The following GOLM2 variants were observed in gnomAD, a reference collection of about 807,000 sequenced individuals.
The protein encoded by GOLM2 is protein GOLM2.
Under a neutral mutation model 55.9 loss-of-function variants are expected in GOLM2, and 26 were observed. That is an observed-to-expected ratio of 0.47 (90% CI 0.34 to 0.65). GOLM2 has a LOEUF of 0.65. Among genes scored for constraint, GOLM2 ranks in the 30% least tolerant of loss-of-function variants. The probability of loss-of-function intolerance (pLI) is 0.01; values close to 1 mark genes in which losing one functional copy is unlikely to be tolerated. For missense variants in GOLM2, 486 were observed against 531.8 expected (o/e 0.91, Z 0.85); for synonymous variants, 165 against 194.6 (o/e 0.85, Z 1.27).
intron 6 of GOLM2, among the ~76,000 whole-genome samples, chr15:44,367,565 G>A (rs371256116): frequency 3.3e-5 from 5 of 152,214 alleles, no homozygotes; most frequent in African/African-American, 1.2e-4. Flanking sequence ...GGAGGCTGAG[G>A]TGGGTGGATC....
chr15:44,402,569 C>G, intron 8 of GOLM2: 1 of 233,662 alleles, frequency 4.3e-6, no homozygotes, highest in South Asian at 7.1e-5. Context: ...TTTAGTCATA[C>G]TTATATTAGA....
chr15:44,370,553 C>G (rs1028460746), intron 6 of GOLM2, among the ~76,000 whole-genome samples: 1 of 152,142 alleles, frequency 6.6e-6, no homozygotes, highest in Non-Finnish European at 1.5e-5. Context: ...CTAGAACAAA[C>G]CCCAACTCTA....
At chr15:44,382,711 G>C (rs890461636) in intron 8 of GOLM2, among the ~76,000 whole-genome samples, 1 of 151,236 alleles carries the variant, frequency 6.6e-6, no homozygotes, top group African/African-American at 2.4e-5. Context: ...CTGATATTTG[G>C]GTAAAGAAGG....
In GOLM2 at chr15:44,314,516, A is replaced by G. The variant is rs1025078925; in HGVS notation, c.328-8449A>G. 2.6e-5 allele frequency among the ~76,000 whole-genome samples: 4 copies of G among 151,364 alleles called. No homozygotes were observed. In the East Asian group the frequency reaches 7.8e-4, roughly 29 times the overall value. On this transcript the variant is annotated intron_variant, in intron 1 of 9. Coordinates refer to ENST00000299957, the MANE Select transcript of GOLM2 (RefSeq NM_138423.4). Reference sequence around the variant, plus strand: ...GGAGGTTGCAGTGAGCCAAGATCGCACCACTGCATTCCACTCTGGGCAATA... The same window carrying G: ...GGAGGTTGCAGTGAGCCAAGATCGCGCCACTGCATTCCACTCTGGGCAATA...
rs538979962 is a variant in GOLM2, at chr15:44,321,602, A to G, written c.328-1363A>G. On this transcript the variant is annotated intron_variant, in intron 1 of 9. Transcript: ENST00000299957. ...ATTTTAAAATGACATAGAGCTATAC[A>G]TTCATATTGTACCAATGTCAGTTTC... 2.0e-5 allele frequency among the ~76,000 whole-genome samples: 3 copies of G among 152,278 alleles called. No homozygotes were observed. The South Asian group carries it at 6.2e-4, about 32-fold the overall frequency.
At chr15:44,299,071 A>G (rs1776692409) in intron 1 of GOLM2, among the ~76,000 whole-genome samples, 1 of 152,190 alleles carries the variant, frequency 6.6e-6, no homozygotes, top group African/African-American at 2.4e-5. Flanking sequence ...GGCTACCAGA[A>G]GCCAGAAGCC....
chr15:44,374,270 T>C lies in GOLM2; in HGVS notation c.803-5420T>C, dbSNP rs2079349626. ...TTGTGATAAATACATTTTATTATTT[T>C]ATCTTTGATACTTTTCCTTAATAAT... On this transcript the variant is annotated intron_variant, in intron 6 of 9. Coordinates refer to ENST00000299957, the MANE Select transcript of GOLM2 (RefSeq NM_138423.4). 3.9e-5 allele frequency among the ~76,000 whole-genome samples: 6 copies of C among 152,190 alleles called. No homozygotes were observed. In the South Asian group the frequency reaches 1.2e-3, roughly 32 times the overall value.
intron 6 of GOLM2, chr15:44,354,720 A>ACAG: frequency 5.7e-6 from 1 of 175,208 alleles, no homozygotes; most frequent in South Asian, 1.4e-4. Context: ...TGTAGTAAAC[A>ACAG]CATTTGGCTG....
chr15:44,385,147 A>G (rs1253455650), intron 8 of GOLM2, among the ~76,000 whole-genome samples: 1 of 152,190 alleles, frequency 6.6e-6, no homozygotes, highest in Non-Finnish European at 1.5e-5. Flanking sequence ...ACATTTATGT[A>G]CAAGTTTTTT....
At chr15:44,300,563 A>G (rs936228791) in intron 1 of GOLM2, among the ~76,000 whole-genome samples, 1 of 152,228 alleles carries the variant, frequency 6.6e-6, no homozygotes, top group Non-Finnish European at 1.5e-5. Context: ...GTAAAAGGAC[A>G]TTCAAGGAGC....
At chr15:44,365,803 A>C (rs910999904) in intron 6 of GOLM2, among the ~76,000 whole-genome samples, 1 of 152,180 alleles carries the variant, frequency 6.6e-6, no homozygotes, top group Non-Finnish European at 1.5e-5. Flanking sequence ...AGAATGTACA[A>C]CACCAAGAAT....
At chr15:44,400,186 C>CTATT (rs542505482) in intron 8 of GOLM2, among the ~76,000 whole-genome samples, 19 of 151,708 alleles carry the variant, frequency 1.3e-4, no homozygotes, top group Admixed American at 5.3e-4. Flanking sequence ...ATCAACTTTT[C>CTATT]TATTTATTTA....
rs778563022 is a variant in GOLM2, at chr15:44,310,438, T to TTCTCTCTCTCTCTCTCTCTCTCTCTC, written c.328-12510_328-12509insCTCTCTCTCTCTCTCTCTCTCTCTCT. On this transcript the variant is annotated intron_variant, in intron 1 of 9. Coordinates refer to ENST00000299957, the MANE Select transcript of GOLM2 (RefSeq NM_138423.4). ...TGGGCAACATAGTGAGAGTCTCTCTTTCTCTCTCTCTCTCTCTATATATAT... is the reference window on the plus strand; with the variant it reads ...TGGGCAACATAGTGAGAGTCTCTCTTTCTCTCTCTCTCTCTCTCTCTCTCTCTCTCTCTCTCTCTCTCTATATATAT... Among the ~76,000 whole-genome samples, 22 of 136,614 alleles carry TTCTCTCTCTCTCTCTCTCTCTCTCTC rather than the reference T, an allele frequency of 1.6e-4. 1 individual carries two copies. Among genetic ancestry groups the TTCTCTCTCTCTCTCTCTCTCTCTCTC allele is most frequent in the African/African-American group, 5.9e-4 (21 of 35,520 alleles). The allele number at this position is 136,614 out of a possible 152,430, so 89.6% of individuals were successfully genotyped here.
At chr15:44,333,703 A>C (rs1308549153) in intron 4 of GOLM2, among the ~76,000 whole-genome samples, 2 of 151,888 alleles carry the variant, frequency 1.3e-5, no homozygotes, top group African/African-American at 2.4e-5. Flanking sequence ...TAATGGGATA[A>C]GTTTGCTCTC....
At chr15:44,374,579 G>C (rs1313540043) in intron 6 of GOLM2, among the ~76,000 whole-genome samples, 3 of 152,206 alleles carry the variant, frequency 2.0e-5, no homozygotes, top group Non-Finnish European at 4.4e-5. Context: ...TCTGCGGGCT[G>C]TACAGGCATC....
At chr15:44,303,068 A>C (rs536752408) in intron 1 of GOLM2, among the ~76,000 whole-genome samples, 1 of 151,834 alleles carries the variant, frequency 6.6e-6, no homozygotes, top group Non-Finnish European at 1.5e-5. Flanking sequence ...GCGCCACTGC[A>C]CTCTAGCCTG....
At chr15:44,362,630 T>C (rs921671888) in intron 6 of GOLM2, among the ~76,000 whole-genome samples, 6 of 152,290 alleles carry the variant, frequency 3.9e-5, no homozygotes, top group African/African-American at 1.4e-4. Context: ...AGGTAATTTA[T>C]AGATTCAATG....
At chr15:44,354,966 A>G (rs2079187971) in intron 6 of GOLM2, 1 of 153,530 alleles carries the variant, frequency 6.5e-6, no homozygotes, top group Admixed American at 6.5e-5. Context: ...TGATGCTGGC[A>G]CTGGTTGTGT....
At chr15:44,372,713 C>A (rs2079336376) in intron 6 of GOLM2, among the ~76,000 whole-genome samples, 1 of 152,094 alleles carries the variant, frequency 6.6e-6, no homozygotes, top group Non-Finnish European at 1.5e-5. Context: ...CAGATACAGT[C>A]CCAGCCCCCA....
Sources: gnomAD v4.1 joint callset for allele counts (sites outside exome capture counted in the v4.1 genomes callset) on GRCh38, gnomAD v4.1.1 for gene constraint, MANE v1.5 for transcripts, NCBI Gene and HGNC (gene_info 2026-07-23, HGNC 2026-07-21) for gene names.